ST6GALNAC3: variants seen among roughly 807,000 people sequenced by gnomAD.
The protein encoded by ST6GALNAC3 is alpha-N-acetylgalactosaminide alpha-2,6-sialyltransferase 3.
A neutral mutation model predicts 32.7 loss-of-function variants in ST6GALNAC3; 25 were observed. The ratio of observed to expected loss-of-function variants is 0.76; its 90% CI spans 0.56 to 1.07. The LOEUF (loss-of-function observed/expected upper bound fraction) is 1.07. ST6GALNAC3 is among the 50% of genes least tolerant of loss of function. The probability of loss-of-function intolerance (pLI) is 0.00; values close to 1 mark genes in which losing one functional copy is unlikely to be tolerated. For synonymous variants in ST6GALNAC3, 129 were observed against 133.1 expected (o/e 0.97, Z 0.21); for missense variants, 355 against 382.4 (o/e 0.93, Z 0.60).
chr1:76,259,076 C>T (rs181318622), intron 1 of ST6GALNAC3, among the ~76,000 whole-genome samples: 160 of 152,042 alleles, frequency 1.1e-3, no homozygotes, highest in Middle Eastern at 6.8e-3. Flanking sequence ...ACCTCGCTCA[C>T]GAAAATAAAA....
chr1:76,257,478 C>T (rs1657985541), intron 1 of ST6GALNAC3, among the ~76,000 whole-genome samples: 1 of 152,088 alleles, frequency 6.6e-6, no homozygotes. Context: ...TTTTAAAAAG[C>T]ACCATGGCCA....
intron 1 of ST6GALNAC3, among the ~76,000 whole-genome samples, chr1:76,105,336 G>A (rs1338103347): frequency 1.3e-5 from 2 of 152,152 alleles, no homozygotes; most frequent in Admixed American, 1.3e-4. Context: ...CTTCTGCCTT[G>A]GTTACTGCTG....
At chr1:76,156,836 A>T (rs2100356228) in intron 1 of ST6GALNAC3, among the ~76,000 whole-genome samples, 1 of 152,274 alleles carries the variant, frequency 6.6e-6, no homozygotes, top group East Asian at 1.9e-4. Context: ...GGTTCACGCC[A>T]TTCTCCTGCC....
At chr1:76,133,637 G>C (rs1230433258) in intron 1 of ST6GALNAC3, among the ~76,000 whole-genome samples, 1 of 152,242 alleles carries the variant, frequency 6.6e-6, no homozygotes, top group Non-Finnish European at 1.5e-5. Flanking sequence ...CTTGCTTTTG[G>C]TGAGACCGCA....
intron 1 of ST6GALNAC3, among the ~76,000 whole-genome samples, chr1:76,101,860 C>T (rs924911267): frequency 2.6e-5 from 4 of 152,128 alleles, no homozygotes; most frequent in African/African-American, 9.7e-5. Context: ...TGAATGATTT[C>T]AGTGCTTGAA....
At chr1:76,134,202 C>T (rs888382261) in intron 1 of ST6GALNAC3, among the ~76,000 whole-genome samples, 3 of 152,214 alleles carry the variant, frequency 2.0e-5, no homozygotes, top group African/African-American at 4.8e-5. Context: ...CACAAGATGG[C>T]TGCTTCCTCA....
chr1:76,444,576 T>A (rs962833878), intron 3 of ST6GALNAC3, among the ~76,000 whole-genome samples: 1 of 152,240 alleles, frequency 6.6e-6, no homozygotes, highest in South Asian at 2.1e-4. Context: ...TGATGCTTCC[T>A]TAACATCCTA....
intron 1 of ST6GALNAC3, among the ~76,000 whole-genome samples, chr1:76,168,807 A>G (rs562874721): frequency 1.3e-5 from 2 of 152,010 alleles, no homozygotes; most frequent in South Asian, 2.1e-4. Flanking sequence ...TCTGCTTGGT[A>G]GATTTTTCTC....
At chr1:76,079,699 A>G (rs1646865004) in intron 1 of ST6GALNAC3, among the ~76,000 whole-genome samples, 1 of 152,174 alleles carries the variant, frequency 6.6e-6, no homozygotes, top group African/African-American at 2.4e-5. Context: ...CAAGTTAGGA[A>G]CTTGGCGTCT....
At chr1:76,399,831 T>C (rs2101205227) in intron 2 of ST6GALNAC3, among the ~76,000 whole-genome samples, 1 of 152,290 alleles carries the variant, frequency 6.6e-6, no homozygotes, top group Admixed American at 6.5e-5. Context: ...GTATTTAATA[T>C]TTTGAGGCAG....
intron 3 of ST6GALNAC3, among the ~76,000 whole-genome samples, chr1:76,436,454 T>G (rs1656150484): frequency 6.6e-6 from 1 of 152,156 alleles, no homozygotes; most frequent in Non-Finnish European, 1.5e-5. Flanking sequence ...TTTTTTAATT[T>G]AATGAGTGCT....
intron 3 of ST6GALNAC3, among the ~76,000 whole-genome samples, chr1:76,488,647 G>A (rs1335281568): frequency 9.9e-5 from 15 of 152,094 alleles, no homozygotes; most frequent in Non-Finnish European, 7.4e-5. Flanking sequence ...AATTTATGGG[G>A]CATACTGGCC....
At chr1:76,247,806 C>A (rs1192590784) in intron 1 of ST6GALNAC3, among the ~76,000 whole-genome samples, 1 of 151,778 alleles carries the variant, frequency 6.6e-6, no homozygotes, top group Non-Finnish European at 1.5e-5. Flanking sequence ...TCCCTGGCTT[C>A]ATCCCCCTTT....
intron 2 of ST6GALNAC3, among the ~76,000 whole-genome samples, chr1:76,343,464 A>C (rs1648233059): frequency 6.6e-6 from 1 of 152,214 alleles, no homozygotes. Flanking sequence ...CCGTCGGATC[A>C]GTGTATACTC....
At chr1:76,249,696 G>C (rs1019224457) in intron 1 of ST6GALNAC3, among the ~76,000 whole-genome samples, 3 of 152,154 alleles carry the variant, frequency 2.0e-5, no homozygotes, top group African/African-American at 7.2e-5. Flanking sequence ...GTTTTCATAA[G>C]TGGCTGAATC....
chr1:76,103,101 T>C (rs921739976), intron 1 of ST6GALNAC3, among the ~76,000 whole-genome samples: 1 of 151,114 alleles, frequency 6.6e-6, no homozygotes, highest in East Asian at 1.9e-4. Flanking sequence ...TTATGCTGAT[T>C]TTTAGTTTTT....
At chr1:76,605,978 T>A (rs1647518870) in intron 3 of ST6GALNAC3, among the ~76,000 whole-genome samples, 1 of 149,262 alleles carries the variant, frequency 6.7e-6, no homozygotes. Flanking sequence ...ACATCACTGA[T>A]CATTAAGAGA....
intron 1 of ST6GALNAC3, among the ~76,000 whole-genome samples, chr1:76,194,698 T>C (rs1368584133): frequency 6.6e-6 from 1 of 152,170 alleles, no homozygotes; most frequent in Admixed American, 6.5e-5. Context: ...TAGATGAAAA[T>C]TCAGCCTCAC....
intron 1 of ST6GALNAC3, among the ~76,000 whole-genome samples, chr1:76,258,228 A>C (rs753276373): frequency 6.6e-6 from 1 of 152,220 alleles, no homozygotes; most frequent in Non-Finnish European, 1.5e-5. Flanking sequence ...TTGTAAAATA[A>C]GATGAGGTGT....
Sources: allele counts gnomAD v4.1 joint callset (sites outside exome capture counted in the v4.1 genomes callset), GRCh38; gene constraint gnomAD v4.1.1; transcripts MANE v1.5; gene names NCBI Gene and HGNC (gene_info 2026-07-23, HGNC 2026-07-21).